The following WDR7 variants were observed in gnomAD, a reference collection of about 807,000 sequenced individuals.
The protein encoded by WDR7 is WD repeat-containing protein 7.
WDR7 carries 46 observed loss-of-function variants against 169.4 expected under a neutral mutation model. The observed-to-expected ratio is 0.27, with a 90% confidence interval of 0.21 to 0.35. The LOEUF (loss-of-function observed/expected upper bound fraction) is 0.35. Ranked by LOEUF, WDR7 falls within the 10% of genes least tolerant of loss-of-function variation. WDR7 has a pLI of 1.00. For synonymous variants in WDR7, 612 were observed against 666.8 expected (o/e 0.92, Z 1.27); for missense variants, 1,534 against 1,859.3 (o/e 0.83, Z 3.22).
intron 2 of WDR7, among the ~76,000 whole-genome samples, chr18:56,677,124 T>C (rs1262912793): frequency 1.3e-5 from 2 of 152,208 alleles, no homozygotes; most frequent in African/African-American, 4.8e-5. Context: ...TCCTTTTCTT[T>C]CTGATCGAAG....
Position 56,730,727 on chromosome 18 carries a change from T to C in WDR7, c.1775-656T>C, listed in dbSNP as rs368986035. On this transcript the variant is annotated intron_variant, in intron 13 of 27. Coordinates refer to ENST00000254442, the MANE Select transcript of WDR7 (RefSeq NM_015285.3). Reference sequence around the variant, plus strand: ...CTTGTAGTGAGCCAAGATCGCGCCATTGCACTCCAGCCTGGGCGACAGAGC... The same window carrying C: ...CTTGTAGTGAGCCAAGATCGCGCCACTGCACTCCAGCCTGGGCGACAGAGC... 1.6e-4 allele frequency among the ~76,000 whole-genome samples: 25 copies of C among 151,966 alleles called. No individual in the cohort carries two copies. The East Asian group carries it at 3.7e-3, about 22-fold the overall frequency.
At chr18:56,673,695 C>T (rs1015029077) in intron 2 of WDR7, among the ~76,000 whole-genome samples, 2 of 151,876 alleles carry the variant, frequency 1.3e-5, no homozygotes, top group East Asian at 1.9e-4. Context: ...ACTAGCCGGA[C>T]GTGGTGGTGC....
At chr18:56,809,324 A>G (rs1599062274) in intron 19 of WDR7, among the ~76,000 whole-genome samples, 1 of 152,062 alleles carries the variant, frequency 6.6e-6, no homozygotes, top group Non-Finnish European at 1.5e-5. Context: ...GTTATTTTCT[A>G]GTATATTTAA....
intron 26 of WDR7, among the ~76,000 whole-genome samples, chr18:56,988,858 G>A (rs1041297976): frequency 7.2e-5 from 11 of 152,072 alleles, no homozygotes; most frequent in Admixed American, 3.3e-4. Flanking sequence ...GGGAGAGGGG[G>A]ATGGAGAAAA....
Position 56,851,378 on chromosome 18 carries a change from C to T in WDR7, c.3305-28566C>T, listed in dbSNP as rs140793271. Among the ~76,000 whole-genome samples, 9 of 152,318 alleles carry T rather than the reference C, an allele frequency of 5.9e-5. No homozygotes were observed. In the East Asian group the frequency reaches 1.7e-3, roughly 29 times the overall value. On this transcript the variant is annotated intron_variant, in intron 20 of 27. Coordinates refer to ENST00000254442, the MANE Select transcript of WDR7 (RefSeq NM_015285.3). ...CAACTATCTCCTACTCATCTCACGA[C>T]ACTCAGCTCTTACATCTTTTCTGAA... is the stretch of plus-strand genomic sequence containing the variant.
chr18:57,013,103 G>T (rs531763468), intron 26 of WDR7, among the ~76,000 whole-genome samples: 3 of 152,270 alleles, frequency 2.0e-5, no homozygotes, highest in East Asian at 3.9e-4. Context: ...GGGATGGATG[G>T]TTTTGTGATG....
chr18:57,025,610 C>T (rs1403008191), intron 27 of WDR7, among the ~76,000 whole-genome samples: 1 of 151,968 alleles, frequency 6.6e-6, no homozygotes, highest in Non-Finnish European at 1.5e-5. Context: ...TTTTTTTCAC[C>T]TCTGTGTTGT....
intron 20 of WDR7, among the ~76,000 whole-genome samples, chr18:56,867,556 T>A (rs2045900014): frequency 6.6e-6 from 1 of 152,172 alleles, no homozygotes; most frequent in African/African-American, 2.4e-5. Context: ...GGGAGGATTT[T>A]GAGGAAACGA....
At chr18:56,832,060 C>T (rs959701629) in intron 20 of WDR7, among the ~76,000 whole-genome samples, 1 of 152,172 alleles carries the variant, frequency 6.6e-6, no homozygotes, top group Non-Finnish European at 1.5e-5. Context: ...GTTCCCACCC[C>T]GACAGAGCCC....
At chr18:56,871,777 A>G (rs952798472) in intron 20 of WDR7, among the ~76,000 whole-genome samples, 1 of 151,980 alleles carries the variant, frequency 6.6e-6, no homozygotes, top group African/African-American at 2.4e-5. Flanking sequence ...ATCTTAATAT[A>G]ATGTGTTGGG....
intron 20 of WDR7, among the ~76,000 whole-genome samples, chr18:56,849,360 C>T (rs1041642107): frequency 2.0e-5 from 3 of 152,176 alleles, no homozygotes; most frequent in African/African-American, 7.2e-5. Flanking sequence ...TATTCCTCCT[C>T]TGTTTCTTGT....
chr18:56,744,277 C>T (rs1323671985), intron 14 of WDR7, among the ~76,000 whole-genome samples: 12 of 146,818 alleles, frequency 8.2e-5, no homozygotes, highest in Admixed American at 8.2e-4. Flanking sequence ...AAAGAAAGAG[C>T]ACAGGCTGGG....
intron 20 of WDR7, among the ~76,000 whole-genome samples, chr18:56,859,416 C>T (rs1487666995): frequency 1.3e-5 from 2 of 152,178 alleles, no homozygotes; most frequent in Non-Finnish European, 2.9e-5. Context: ...ACTGGGGCAG[C>T]TTATCAACCC....
At chr18:56,866,102 G>A (rs114148858) in intron 20 of WDR7, among the ~76,000 whole-genome samples, 1 of 152,256 alleles carries the variant, frequency 6.6e-6, no homozygotes, top group African/African-American at 2.4e-5. Flanking sequence ...CATCCAGAAT[G>A]ATGTTGCCAG....
In WDR7 at chr18:56,912,531, T is replaced by C. The variant is rs973187151; in HGVS notation, c.3527-11391T>C. On this transcript the variant is annotated intron_variant, in intron 21 of 27. Coordinates refer to ENST00000254442, the MANE Select transcript of WDR7 (RefSeq NM_015285.3). ...CTCTGCTTTCTCAGCTACCATTCTT[T>C]CCTGAATTTGCTTCAACCAGGCTTT... Among the ~76,000 whole-genome samples the C allele has an allele frequency of 3.9e-5, 6 of 152,220 alleles. No individual in the cohort carries two copies. In the East Asian group the frequency reaches 1.2e-3, roughly 29 times the overall value.
chr18:56,906,885 G>GCAAAGATAAGC (rs1568260263), intron 21 of WDR7, among the ~76,000 whole-genome samples: 5 of 152,158 alleles, frequency 3.3e-5, no homozygotes, highest in African/African-American at 1.2e-4. Context: ...TTTGCATAAT[G>GCAAAGATAAGC]AAAAAGTCTA....
chr18:56,939,362 G>T lies in WDR7; in HGVS notation c.4033G>T (p.Gly1345Cys). Residue 1345 changes from glycine (G) to cysteine (C), a missense_variant, in exon 25 of 28, where the codon GGT becomes TGT. Physicochemically the swap from Gly to Cys is radical, Grantham distance 159 (BLOSUM62 -3). Coordinates refer to ENST00000254442, the MANE Select transcript of WDR7 (RefSeq NM_015285.3). ...CLEGSLVKKK[G>C]LQECFPAICR... Reference sequence around the variant, plus strand: ...TGAAGGATCTTTAGTTAAAAAGAAAGGTCTTCAAGAATGTTTCCCAGCCAT... The same window carrying T: ...TGAAGGATCTTTAGTTAAAAAGAAATGTCTTCAAGAATGTTTCCCAGCCAT... 1 of 1,576,872 alleles carries T rather than the reference G, an allele frequency of 6.3e-7. No homozygotes were observed. The highest frequency in any genetic ancestry group is 8.6e-7 in the Non-Finnish European group (1 of 1,159,628).
At chr18:56,885,325 A>C (rs2046171291) in intron 21 of WDR7, among the ~76,000 whole-genome samples, 1 of 152,158 alleles carries the variant, frequency 6.6e-6, no homozygotes, top group Non-Finnish European at 1.5e-5. Context: ...AAGGTCAATT[A>C]TTAAGCTAAT....
chr18:56,723,785 A>ATTTTC (rs1448837870), intron 13 of WDR7, among the ~76,000 whole-genome samples: 2 of 151,338 alleles, frequency 1.3e-5, no homozygotes, highest in Admixed American at 6.6e-5. Context: ...TCTCCCCTCC[A>ATTTTC]TTTTCTTTTC....
Sources: allele counts gnomAD v4.1 joint callset (sites outside exome capture counted in the v4.1 genomes callset), GRCh38; gene constraint gnomAD v4.1.1; transcripts MANE v1.5; gene names NCBI Gene and HGNC (gene_info 2026-07-23, HGNC 2026-07-21).